TRPV2: variants seen among roughly 807,000 people sequenced by gnomAD.
TRPV2 encodes the protein OTRPC2.
A neutral mutation model predicts 91.0 loss-of-function variants in TRPV2; 58 were observed. The ratio of observed to expected loss-of-function variants is 0.64; its 90% CI spans 0.52 to 0.79. The LOEUF (loss-of-function observed/expected upper bound fraction) is 0.79, where lower values mean the gene tolerates loss of function less well. TRPV2 is among the 30% of genes least tolerant of loss of function. The probability of loss-of-function intolerance (pLI) is 0.00; values close to 1 mark genes in which losing one functional copy is unlikely to be tolerated. For synonymous variants in TRPV2, 417 were observed against 414.8 expected (o/e 1.01, Z -0.06); for missense variants, 807 against 969.6 (o/e 0.83, Z 2.23).
chr17:16,416,503 T>G (rs2093331272), intron 1 of TRPV2: 1 of 153,208 alleles, frequency 6.5e-6, no homozygotes, highest in African/African-American at 2.4e-5. Context: ...GGTGAGATTG[T>G]GCTGTTTGCT....
Position 16,417,498 on chromosome 17 carries a change from T to A in TRPV2, c.-107-64T>A, listed in dbSNP as rs543696973. ...ACCAGCCAGCCTCAGCCTCCCAAAG[T>A]GCTGGGATTACACCCAGCCACCACG... On this transcript the variant is annotated intron_variant, in intron 1 of 14. Coordinates refer to ENST00000338560, the MANE Select transcript of TRPV2 (RefSeq NM_016113.5). 6.3e-5 allele frequency: 39 copies of A among 619,798 alleles called. No homozygotes were observed. The South Asian group carries it at 6.6e-4, about 10-fold the overall frequency. The allele number at this position is 619,798 out of a possible 1,614,324, so 38.4% of individuals were successfully genotyped here.
Position 16,422,806 on chromosome 17 carries a change from T to C in TRPV2, c.542T>C (p.Leu181Pro). The stretch of plus-strand genomic sequence containing the variant: ...AAGAGGAGTCTGCAGTGTGTGAAGC[T>C]CCTGGTGGAGAATGGGGCCAATGTG... ...IEKRSLQCVK[L>P]LVENGANVHA... Residue 181 changes from leucine to proline, a missense_variant, in exon 4 of 15, where the codon CTC becomes CCC. By Grantham distance (98) the Leu-to-Pro change is moderately conservative. Coordinates refer to ENST00000338560, the MANE Select transcript of TRPV2 (RefSeq NM_016113.5). The C allele has an allele frequency of 1.3e-6, 2 of 1,574,152 alleles. No homozygotes were observed. Among genetic ancestry groups the C allele is most frequent in the Non-Finnish European group, 1.7e-6 (2 of 1,157,932 alleles).
chr17:16,426,741 T>C lies in TRPV2; in HGVS notation c.1115T>C (p.Val372Ala). ...CCCCAGCACCGACACCGAATGGTCG[T>C]TTTGGAGCCCCTGAACAAACTGCTG... ...CKSPHRHRMV[V>A]LEPLNKLLQA... The change falls in exon 7 of 15, where the codon GTT (valine) becomes GCT (alanine). Residue 372 changes from valine to alanine, a missense_variant. Val to Ala is a moderately conservative substitution (Grantham distance 64, BLOSUM62 0). Transcript: ENST00000338560. The surrounding 1 kb of genome is among the most constrained non-coding windows in gnomAD (Gnocchi z 6.0). 6.2e-7 allele frequency: 1 copy of C among 1,613,774 alleles called. No homozygotes were observed. Among genetic ancestry groups the C allele is most frequent in the Non-Finnish European group, 8.5e-7 (1 of 1,179,870 alleles).
At chr17:16,427,695 T>C (rs111862905) in intron 8 of TRPV2, 148 bp downstream of exon 8, 2 of 717,000 alleles carry the variant, frequency 2.8e-6, no homozygotes, top group Non-Finnish European at 2.2e-6. Flanking sequence ...CCAGAGGTTC[T>C]GGCCTTGCCT....
intron 10 of TRPV2, among the ~76,000 whole-genome samples, chr17:16,431,273 ATATATATATATATACATATTTTTT>A (rs1465700286): frequency 4.1e-5 from 3 of 73,568 alleles, no homozygotes; most frequent in African/African-American, 1.8e-4. Flanking sequence ...ATATATATAT[ATATATATATATATACATATTTTTT>A]TTTTTTTTTT....
At chr17:16,428,731 AG>A in intron 9 of TRPV2, 85 bp from the exon 10 acceptor site, 2 of 1,496,338 alleles carry the variant, frequency 1.3e-6, no homozygotes, top group Non-Finnish European at 1.8e-6. Context: ...CCTAAGATGG[AG>A]GTCAGGACCT....
At chr17:16,427,597 T>C (rs1316260382) in intron 8 of TRPV2, 50 bp downstream of exon 8, 1 of 1,554,692 alleles carries the variant, frequency 6.4e-7, no homozygotes, top group South Asian at 1.2e-5. Flanking sequence ...AGAATTCTGC[T>C]TCAGGGGGCT....
At chr17:16,429,080 A>G in intron 10 of TRPV2, 98 bp downstream of exon 10, 1 of 1,349,090 alleles carries the variant, frequency 7.4e-7, no homozygotes, top group Non-Finnish European at 1.0e-6. Flanking sequence ...GCATGTGTAC[A>G]TCTGCCTGTG....
At chr17:16,420,857 C>T (rs186992336) in intron 3 of TRPV2, among the ~76,000 whole-genome samples, 2 of 152,328 alleles carry the variant, frequency 1.3e-5, no homozygotes, top group Admixed American at 1.3e-4. Flanking sequence ...CTCCAGTGAT[C>T]CTTCCACCTT....
At chr17:16,433,418 C>A in intron 12 of TRPV2, 156 bp from the exon 13 acceptor site, 1 of 1,087,566 alleles carries the variant, frequency 9.2e-7, no homozygotes, top group Non-Finnish European at 1.3e-6. Context: ...ACACAGGTAA[C>A]CGGATGTTGG....
intron 10 of TRPV2, 32 bp from the exon 11 acceptor site, chr17:16,431,752 C>A (rs758374481): frequency 2.5e-6 from 4 of 1,611,458 alleles, no homozygotes; most frequent in Non-Finnish European, 2.5e-6. Flanking sequence ...GGCCCAGCTA[C>A]CCACCCTGGC....
chr17:16,428,569 A>G, intron 9 of TRPV2, 182 bp downstream of exon 9: 4 of 735,808 alleles, frequency 5.4e-6, no homozygotes, highest in Non-Finnish European at 9.1e-6. Flanking sequence ...TTGTGCTCCC[A>G]TCACTGTAGA....
At position 16,433,938 on chromosome 17, in the gene TRPV2, AT is replaced by A. The variant is rs146861257; in HGVS notation, c.2114+241del. Among the ~76,000 whole-genome samples, 656 of 152,300 alleles carry A rather than the reference AT, an allele frequency of 4.3e-3. 5 individuals are homozygous for A. The highest frequency in any genetic ancestry group is 6.8e-3 in the Non-Finnish European group (460 of 68,014). Reference sequence around the variant, plus strand: ...TTAAACTGAAGGTCCCCTCCTGGTGATCTCAGACTCCTCCTTGTAGCCTGAA... The same window carrying A: ...TTAAACTGAAGGTCCCCTCCTGGTGACTCAGACTCCTCCTTGTAGCCTGAA... On this transcript the variant is annotated intron_variant, in intron 13 of 14. Coordinates refer to ENST00000338560, the MANE Select transcript of TRPV2 (RefSeq NM_016113.5).
In TRPV2 at chr17:16,426,831, T is replaced by C. The variant is rs777262368; in HGVS notation, c.1205T>C (p.Met402Thr). 5 of 1,613,676 alleles carry C rather than the reference T, an allele frequency of 3.1e-6. No individual in the cohort carries two copies. The African/African-American group carries it at 5.3e-5, about 17-fold the overall frequency. Residue 402 changes from methionine (M) to threonine (T), a missense_variant, in exon 7 of 15, where the codon ATG (methionine) becomes ACG (threonine). By Grantham distance (81) the Met-to-Thr change is moderately conservative. Transcript: ENST00000338560. The surrounding 1 kb of genome is among the most constrained non-coding windows in gnomAD (Gnocchi z 6.0). ...AACTTCCTGTGTAATCTGATCTACA[T>C]GTTCATCTTCACCGCTGTTGCCTAC... ...FLNFLCNLIY[M>T]FIFTAVAYHQ... is the part of the protein sequence containing the mutation.
At chr17:16,416,999 C>A (rs1378688045) in intron 1 of TRPV2, among the ~76,000 whole-genome samples, 5 of 152,120 alleles carry the variant, frequency 3.3e-5, no homozygotes, top group Non-Finnish European at 7.3e-5. Context: ...GGTTGTGACC[C>A]CTCAGATTCC....
chr17:16,436,696 C>T (rs971185078), intron 14 of TRPV2, 93 bp from the exon 15 acceptor site: 19 of 855,662 alleles, frequency 2.2e-5, no homozygotes, highest in Admixed American at 1.1e-4. Flanking sequence ...CACGGCATGA[C>T]GTGTTTTCAT....
rs114767097 is a variant in TRPV2, at chr17:16,429,617, T to G, written c.1587+635T>G. ...TTAAGTTGAGACCTGAAAGAATGAT[T>G]CAGCCACAGCAGGGTGAAGAGGAGA... is the stretch of plus-strand genomic sequence containing the variant. On this transcript the variant is annotated intron_variant, in intron 10 of 14. Transcript: ENST00000338560. Among the ~76,000 whole-genome samples, 582 of 152,192 alleles carry G rather than the reference T, an allele frequency of 3.8e-3. 6 individuals carry two copies. Among genetic ancestry groups the G allele is most frequent in the African/African-American group, 0.013 (543 of 41,516 alleles).
chr17:16,420,403 A>G (rs916427248), intron 3 of TRPV2, among the ~76,000 whole-genome samples, 155 bp downstream of exon 3: 2 of 152,106 alleles, frequency 1.3e-5, no homozygotes, highest in African/African-American at 2.4e-5. Context: ...GGACAGAGTT[A>G]ATCAAGGATG....
chr17:16,418,387 G>T (rs773908340), intron 2 of TRPV2, among the ~76,000 whole-genome samples: 1 of 152,128 alleles, frequency 6.6e-6, no homozygotes, highest in Non-Finnish European at 1.5e-5. Context: ...AATTCAGACT[G>T]TGTGAGCACC....
Sources: allele counts gnomAD v4.1 joint callset (sites outside exome capture counted in the v4.1 genomes callset), GRCh38; gene constraint gnomAD v4.1.1; non-coding constraint Gnocchi (gnomAD v3.1); transcripts MANE v1.5; gene names NCBI Gene and HGNC (gene_info 2026-07-23, HGNC 2026-07-21).